DNAH6: variants seen among roughly 807,000 people sequenced by gnomAD.
DNAH6 encodes dynein axonemal heavy chain 6.
In DNAH6, 340 loss-of-function variants were observed where a neutral mutation model predicts 491.4. That is an observed-to-expected ratio of 0.69 (90% CI 0.63 to 0.76). The LOEUF is 0.76. Among genes scored for constraint, DNAH6 ranks in the 30% least tolerant of loss-of-function variants. The pLI is 0.00. For missense variants in DNAH6, 4,443 were observed against 4,972.2 expected (o/e 0.89, Z 3.20); for synonymous variants, 1,603 against 1,686.1 (o/e 0.95, Z 1.21).
At chr2:84,638,252 C>G (rs1689056254) in intron 31 of DNAH6, among the ~76,000 whole-genome samples, 1 of 152,048 alleles carries the variant, frequency 6.6e-6, no homozygotes, top group Non-Finnish European at 1.5e-5. Flanking sequence ...GTCAAGCAAT[C>G]CTCCCACCTC....
intron 30 of DNAH6, among the ~76,000 whole-genome samples, chr2:84,636,586 G>A (rs548243119): frequency 5.3e-5 from 8 of 152,266 alleles, no homozygotes; most frequent in Non-Finnish European, 8.8e-5. Flanking sequence ...ACAAGTGTTT[G>A]CTGTTAAGTA....
At chr2:84,776,391 A>G (rs1676127944) in intron 64 of DNAH6, among the ~76,000 whole-genome samples, 1 of 152,202 alleles carries the variant, frequency 6.6e-6, no homozygotes, top group Non-Finnish European at 1.5e-5. Context: ...TAGCTGTAGG[A>G]TTTTACAAAC....
chr2:84,595,772 GA>G lies in DNAH6; in HGVS notation c.2857del (p.Met953Ter). The G allele has an allele frequency of 6.5e-7, 1 of 1,541,952 alleles. No individual in the cohort carries two copies. The highest frequency in any genetic ancestry group is 8.7e-7 in the Non-Finnish European group (1 of 1,144,340). On this transcript the variant is annotated frameshift_variant, in exon 18 of 77. Coordinates refer to ENST00000389394, the MANE Select transcript of DNAH6 (RefSeq NM_001370.2). LOFTEE classifies it high-confidence loss of function. ...AGTGCCCCAGCTCAAATACAAGGTG[GA>G]AAAAATGAAAGAAAAGGTAAGGTTG... ...SVVPQLKYKVEKMKEKLPVII... is the reference protein window; with the variant it reads ...SVVPQLKYKVXKMKEKLPVII...
chr2:84,472,026 G>C, the DNAH6 span, among the ~76,000 whole-genome samples: 2 of 152,096 alleles, frequency 1.3e-5, no homozygotes, highest in Non-Finnish European at 2.9e-5. Flanking sequence ...CTCTTTCCCA[G>C]CTCTTAGTAT....
At position 84,653,851 on chromosome 2, in the gene DNAH6, C is replaced by T; in HGVS notation, c.5611C>T (p.Pro1871Ser). 6.5e-7 allele frequency: 1 copy of T among 1,548,896 alleles called. No individual in the cohort carries two copies. The highest frequency in any genetic ancestry group is 8.7e-7 in the Non-Finnish European group (1 of 1,145,060). Residue 1871 changes from proline (P) to serine (S), a missense_variant, in exon 34 of 77, where the codon CCT becomes TCT. Pro to Ser is a moderately conservative substitution (Grantham distance 74, BLOSUM62 -1). This residue lies in a region of DNAH6 where 2,977 missense variants were observed against 3,296.6 expected (regional missense o/e 0.90). Transcript: ENST00000389394. ...TAACAGTGAGAGGATTAAACTCACA[C>T]CTCAAATTCACATGCTTTTTGAGGT... ...LANSERIKLT[P>S]QIHMLFEVQD...
chr2:84,588,640 T>G (rs796944991), intron 15 of DNAH6, among the ~76,000 whole-genome samples, 186 bp from the exon 16 acceptor site: 1 of 152,222 alleles, frequency 6.6e-6, no homozygotes, highest in Non-Finnish European at 1.5e-5. Context: ...TATATAAATG[T>G]GTACTTTTTA....
rs1678574461 is a variant in DNAH6, at chr2:84,544,410, G to C, written c.840G>C (p.Lys280Asn). Residue 280 changes from lysine (K) to asparagine (N), a missense_variant, in exon 5 of 77, where the codon AAG (lysine) becomes AAC (asparagine). This residue lies in a region of DNAH6 where 2,977 missense variants were observed against 3,296.6 expected (regional missense o/e 0.90). Transcript: ENST00000389394. ...IPIFSLFRKW[K>N]AFSVWRKNVR... is the part of the protein sequence containing the mutation. The stretch of plus-strand genomic sequence containing the variant: ...TATTTTCACTGTTCCGGAAATGGAA[G>C]GCTTTTAGTGTATGGAGGAAGAATG... 6.5e-7 allele frequency: 1 copy of C among 1,542,896 alleles called. No individual in the cohort carries two copies.
intron 7 of DNAH6, 116 bp from the exon 8 acceptor site, chr2:84,548,172 G>A (rs575400897): frequency 6.1e-5 from 70 of 1,148,806 alleles, no homozygotes; most frequent in Middle Eastern, 2.4e-4. Flanking sequence ...GAATTGCTTC[G>A]TGTACCAAAA....
Position 84,816,057 on chromosome 2 carries a change from C to T in DNAH6, c.12347C>T (p.Ala4116Val), listed in dbSNP as rs1680458385. 1 of 1,551,374 alleles carries T rather than the reference C, an allele frequency of 6.4e-7. No individual in the cohort carries two copies. The highest frequency in any genetic ancestry group is 2.0e-5 in the Admixed American group (1 of 50,974). Residue 4116 changes from alanine (A) to valine (V), a missense_variant, in exon 76 of 77, where the codon GCC (alanine) becomes GTC (valine). By Grantham distance (64) the Ala-to-Val change is moderately conservative. Coordinates refer to ENST00000389394, the MANE Select transcript of DNAH6 (RefSeq NM_001370.2). Reference sequence around the variant, plus strand: ...CACTGCCCACTTTATAAAACAGGAGCCCGGGCAGGAACACTCTCAACCACA... The same window carrying T: ...CACTGCCCACTTTATAAAACAGGAGTCCGGGCAGGAACACTCTCAACCACA... ...LYHCPLYKTG[A>V]RAGTLSTTGH... is the part of the protein sequence containing the mutation.
At chr2:84,781,084 T>A (rs911867004) in intron 64 of DNAH6, among the ~76,000 whole-genome samples, 2 of 152,244 alleles carry the variant, frequency 1.3e-5, no homozygotes, top group African/African-American at 4.8e-5. Context: ...TGTATTTTTC[T>A]GTATATGTTA....
intron 34 of DNAH6, among the ~76,000 whole-genome samples, chr2:84,654,220 C>A (rs188988850): frequency 4.6e-5 from 7 of 152,102 alleles, no homozygotes; most frequent in Admixed American, 4.6e-4. Flanking sequence ...AATTATCCCA[C>A]CATGATATGA....
At chr2:84,653,029 T>A (rs561514842) in intron 33 of DNAH6, among the ~76,000 whole-genome samples, 3 of 152,182 alleles carry the variant, frequency 2.0e-5, no homozygotes, top group East Asian at 3.9e-4. Context: ...TACTATGCCA[T>A]GTACTGTGGG....
In DNAH6 at chr2:84,704,259, G is replaced by A. The variant is rs372020176; in HGVS notation, c.8422G>A (p.Val2808Ile). 3.4e-4 allele frequency: 533 copies of A among 1,551,610 alleles called. No individual in the cohort carries two copies. Among genetic ancestry groups the A allele is most frequent in the Non-Finnish European group, 4.4e-4 (502 of 1,147,000 alleles). The change falls in exon 51 of 77, where the codon GTC becomes ATC. Residue 2808 changes from valine to isoleucine, a missense_variant. Coordinates refer to ENST00000389394, the MANE Select transcript of DNAH6 (RefSeq NM_001370.2). ...AGTTTTTACAAAGCCCCCAGATTTG[G>A]TCATGACAGTAATGGAAGCAATCTC... ...IRVFTKPPDLVMTVMEAISIL... is the reference protein window; with the variant it reads ...IRVFTKPPDLIMTVMEAISIL...
intron 22 of DNAH6, among the ~76,000 whole-genome samples, chr2:84,614,343 G>C (rs115452370): frequency 9.5e-4 from 144 of 152,088 alleles, no homozygotes; most frequent in African/African-American, 3.4e-3. Context: ...ATCAATTCAG[G>C]TTGCTGCAAA....
chr2:84,550,170 A>G, intron 9 of DNAH6, 113 bp downstream of exon 9: 2 of 889,666 alleles, frequency 2.2e-6, no homozygotes, highest in East Asian at 2.7e-5. Context: ...AGAGAAATGC[A>G]TAGAGCAGCG....
At chr2:84,779,116 G>T (rs1390560828) in intron 64 of DNAH6, among the ~76,000 whole-genome samples, 1 of 152,126 alleles carries the variant, frequency 6.6e-6, no homozygotes, top group Non-Finnish European at 1.5e-5. Context: ...TATATTCTGT[G>T]GTTGATGGGT....
intron 4 of DNAH6, among the ~76,000 whole-genome samples, chr2:84,543,057 G>A (rs1391012744): frequency 6.6e-6 from 1 of 152,180 alleles, no homozygotes; most frequent in East Asian, 1.9e-4. Context: ...TACTCCAGAG[G>A]CTGAGGCAGG....
chr2:84,501,375 C>A, the DNAH6 span, among the ~76,000 whole-genome samples: 1 of 151,940 alleles, frequency 6.6e-6, no homozygotes. Context: ...GGATAAGTCC[C>A]ACTTGGTTGT....
At chr2:84,611,238 T>A (rs188510315) in intron 21 of DNAH6, among the ~76,000 whole-genome samples, 44 of 152,242 alleles carry the variant, frequency 2.9e-4, no homozygotes, top group Admixed American at 9.8e-4. Context: ...TTTAAAAAAA[T>A]TTTCTTTTTT....
Sources: gnomAD v4.1 joint callset for allele counts (sites outside exome capture counted in the v4.1 genomes callset) on GRCh38, gnomAD v4.1.1 for gene constraint, gnomAD v4.1.1 regional missense constraint, MANE v1.5 for transcripts, NCBI Gene and HGNC (gene_info 2026-07-23, HGNC 2026-07-21) for gene names.